SMURF1: variants seen among roughly 807,000 people sequenced by gnomAD.
SMURF1 encodes E3 ubiquitin-protein ligase SMURF1.
Under a neutral mutation model 98.0 loss-of-function variants are expected in SMURF1, and 44 were observed. The ratio of observed to expected loss-of-function variants is 0.45; its 90% CI spans 0.35 to 0.58. The LOEUF (loss-of-function observed/expected upper bound fraction) is 0.58. SMURF1 is among the 20% of genes least tolerant of loss of function. The pLI, the probability that SMURF1 is intolerant of heterozygous loss-of-function variation, is 0.00. For missense variants in SMURF1, 687 were observed against 938.4 expected (o/e 0.73, Z 3.50); for synonymous variants, 396 against 374.9 (o/e 1.06, Z -0.65).
intron 1 of SMURF1, among the ~76,000 whole-genome samples, chr7:99,136,127 T>C (rs1004373267): frequency 1.8e-4 from 27 of 152,192 alleles, no homozygotes; most frequent in Non-Finnish European, 2.9e-5. Flanking sequence ...AGTTCCAGGC[T>C]GCAGTGAGCT....
chr7:99,043,498 A>G (rs1437006203), intron 11 of SMURF1, among the ~76,000 whole-genome samples: 1 of 152,154 alleles, frequency 6.6e-6, no homozygotes, highest in African/African-American at 2.4e-5. Context: ...GGAAATTCAC[A>G]ACGACCCATC....
At chr7:99,034,086 G>A (rs1240763576) in intron 16 of SMURF1, among the ~76,000 whole-genome samples, 1 of 152,188 alleles carries the variant, frequency 6.6e-6, no homozygotes, top group Non-Finnish European at 1.5e-5. Context: ...CTGGTTTCTG[G>A]GGTCCTGGGA....
intron 16 of SMURF1, among the ~76,000 whole-genome samples, chr7:99,033,858 T>C (rs1167510711): frequency 6.6e-6 from 1 of 152,222 alleles, no homozygotes; most frequent in African/African-American, 2.4e-5. Flanking sequence ...CAGCCACCAC[T>C]GCTGCTGCAA....
intron 11 of SMURF1, among the ~76,000 whole-genome samples, chr7:99,044,298 T>G: frequency 6.6e-6 from 1 of 151,606 alleles, no homozygotes; most frequent in African/African-American, 2.4e-5. Flanking sequence ...GGCCATAGAG[T>G]GAGATGCTGT....
chr7:99,041,155 A>C (rs1386962476), intron 12 of SMURF1, among the ~76,000 whole-genome samples: 1 of 152,174 alleles, frequency 6.6e-6, no homozygotes, highest in Non-Finnish European at 1.5e-5. Context: ...TAATCTCAAC[A>C]CTTTGGGAGG....
chr7:99,100,571 A>T (rs1197647957), intron 1 of SMURF1, among the ~76,000 whole-genome samples: 1 of 152,202 alleles, frequency 6.6e-6, no homozygotes, highest in Non-Finnish European at 1.5e-5. Flanking sequence ...AAACAAAAAT[A>T]AAAAAATAAA....
chr7:99,046,356 C>T (rs1361651069), intron 10 of SMURF1, among the ~76,000 whole-genome samples: 1 of 152,134 alleles, frequency 6.6e-6, no homozygotes, highest in African/African-American at 2.4e-5. Context: ...AAGCAGAAGC[C>T]GCTACGTGTT....
rs747009199 is a variant in SMURF1 at position 99,047,893 on chromosome 7, AG to A, written c.954-12del. 1 of 1,612,742 alleles carries A rather than the reference AG, an allele frequency of 6.2e-7. No individual in the cohort carries two copies. The highest frequency in any genetic ancestry group is 2.2e-5 in the East Asian group (1 of 44,884). ...AGTTGGCACTGGTGACTTGAGAAGA[AG>A]AGATGCAGAAAGTCACTCCGAAGCC... On this transcript the variant is annotated splice_polypyrimidine_tract_variant and intron_variant, in intron 9 of 17. Coordinates refer to ENST00000361368, the MANE Select transcript of SMURF1 (RefSeq NM_181349.3).
intron 1 of SMURF1, among the ~76,000 whole-genome samples, chr7:99,122,187 G>A (rs1023111535): frequency 2.0e-5 from 3 of 151,782 alleles, no homozygotes; most frequent in African/African-American, 7.3e-5. Flanking sequence ...AATTATCTGG[G>A]CATGGTGGCG....
intron 13 of SMURF1, 151 bp downstream of exon 13, chr7:99,040,227 A>G (rs998849): frequency 0.13 from 109,967 of 876,336 alleles, 17,001 homozygotes; most frequent in African/African-American, 0.67. Context: ...GCCTTCCAAA[A>G]AATCCCCTTT....
chr7:99,061,900 T>C, intron 1 of SMURF1, 63 bp from the exon 2 acceptor site: 3 of 1,246,164 alleles, frequency 2.4e-6, no homozygotes, highest in Non-Finnish European at 1.1e-6. Flanking sequence ...ATAGCTAATC[T>C]ATATTTACAC....
intron 3 of SMURF1, 126 bp downstream of exon 3, chr7:99,060,473 G>T: frequency 1.1e-5 from 6 of 545,210 alleles, no homozygotes; most frequent in South Asian, 3.0e-5. Flanking sequence ...ACATTCATTT[G>T]GCCATCCGCT....
chr7:99,108,920 G>A (rs992402534), intron 1 of SMURF1, among the ~76,000 whole-genome samples: 2 of 152,226 alleles, frequency 1.3e-5, no homozygotes, highest in Admixed American at 6.5e-5. Context: ...CTAATGCATC[G>A]TGTTGAAAGT....
chr7:99,129,598 C>T (rs2150638086), intron 1 of SMURF1, among the ~76,000 whole-genome samples: 2 of 152,284 alleles, frequency 1.3e-5, no homozygotes, highest in South Asian at 4.1e-4. Flanking sequence ...TGCTGTGTTG[C>T]CCCAGCTGGT....
chr7:99,092,986 G>A (rs779383183), intron 1 of SMURF1, among the ~76,000 whole-genome samples: 5 of 152,008 alleles, frequency 3.3e-5, no homozygotes, highest in African/African-American at 9.7e-5. Flanking sequence ...GTTCTCTTCC[G>A]CTGTCAGAGC....
At chr7:99,133,408 C>T (rs1399527450) in intron 1 of SMURF1, among the ~76,000 whole-genome samples, 1 of 151,896 alleles carries the variant, frequency 6.6e-6, no homozygotes, top group Admixed American at 6.6e-5. Flanking sequence ...AAAAAGGTCT[C>T]TAAGGCTGCC....
At chr7:99,124,340 T>A (rs7810656) in intron 1 of SMURF1, among the ~76,000 whole-genome samples, 79 of 152,140 alleles carry the variant, frequency 5.2e-4, no homozygotes, top group Non-Finnish European at 4.4e-4. Flanking sequence ...TCGCCCAGTT[T>A]CCATTTAAAA....
At chr7:99,091,200 A>C (rs1796802642) in intron 1 of SMURF1, among the ~76,000 whole-genome samples, 1 of 152,204 alleles carries the variant, frequency 6.6e-6, no homozygotes, top group African/African-American at 2.4e-5. Flanking sequence ...CACAAAAGTA[A>C]GAAAAATATA....
rs147409927 is a variant in SMURF1, at chr7:99,086,915, G to A, written c.56-25078C>T. On this transcript the variant is annotated intron_variant, in intron 1 of 17. Coordinates refer to ENST00000361368, the MANE Select transcript of SMURF1 (RefSeq NM_181349.3). ...TGGTTGCCAGGGACTCAGAATAAGC[G>A]GAATAGGGAGTGACTGCTGAAATAT... 4.5e-3 allele frequency among the ~76,000 whole-genome samples: 679 copies of A among 152,284 alleles called. 4 individuals are homozygous for A. The highest frequency in any genetic ancestry group is 0.015 in the African/African-American group (636 of 41,560).
Sources: gnomAD v4.1 joint callset for allele counts (sites outside exome capture counted in the v4.1 genomes callset) on GRCh38, gnomAD v4.1.1 for gene constraint, MANE v1.5 for transcripts, NCBI Gene and HGNC (gene_info 2026-07-23, HGNC 2026-07-21) for gene names.